Variants in FAM185A observed in about 807,000 individuals in gnomAD.
FAM185A encodes the protein family with sequence similarity 185 member A, also known as protein FAM185A.
In FAM185A, 21 loss-of-function variants were observed where a neutral mutation model predicts 45.7. That is an observed-to-expected ratio of 0.46 (90% confidence interval 0.33 to 0.66). The LOEUF is 0.66. Ranked by LOEUF, FAM185A falls within the 30% of genes least tolerant of loss-of-function variation. The pLI, the probability that FAM185A is intolerant of heterozygous loss-of-function variation, is 0.03. For missense variants in FAM185A, 305 were observed against 485.4 expected, an observed-to-expected ratio of 0.63 and a Z score of 3.49; for synonymous variants, 117 against 194.0, an observed-to-expected ratio of 0.60 and a Z score of 3.30.
chr7:102,761,586 T>G (rs1794108115), intron 4 of FAM185A, among the ~76,000 whole-genome samples, 175 bp downstream of exon 4: 1 of 151,702 alleles, frequency 6.6e-6, no homozygotes, highest in East Asian at 1.9e-4. Context: ...AAAGCTAATT[T>G]AATTTTATTT....
At chr7:102,759,816 T>A (rs1050706326) in intron 3 of FAM185A, among the ~76,000 whole-genome samples, 10 of 152,180 alleles carry the variant, frequency 6.6e-5, no homozygotes, top group African/African-American at 1.9e-4. Context: ...GGCACATAGC[T>A]AAGTCTAATG....
At chr7:102,795,822 A>T (rs1796410912) in intron 7 of FAM185A, among the ~76,000 whole-genome samples, 2 of 151,956 alleles carry the variant, frequency 1.3e-5, no homozygotes, top group South Asian at 4.2e-4. Flanking sequence ...TAAAAGCAAG[A>T]GATGAAAGGC....
chr7:102,829,977 T>G, the FAM185A span, among the ~76,000 whole-genome samples: 1 of 152,214 alleles, frequency 6.6e-6, no homozygotes, highest in African/African-American at 2.4e-5. Context: ...ACCCACAGTC[T>G]GACCAGAACA....
the FAM185A span, among the ~76,000 whole-genome samples, chr7:102,831,837 C>A: frequency 6.6e-6 from 1 of 152,104 alleles, no homozygotes; most frequent in Admixed American, 6.5e-5. Flanking sequence ...GGCCCTCACT[C>A]TTCATCTCTA....
chr7:102,787,212 C>A, intron 6 of FAM185A, 123 bp from the exon 7 acceptor site: 1 of 954,568 alleles, frequency 1.0e-6, no homozygotes, highest in Non-Finnish European at 1.4e-6. Context: ...TAAATAAATA[C>A]TGTATGCTGA....
intron 4 of FAM185A, among the ~76,000 whole-genome samples, chr7:102,762,507 C>A (rs1408178647): frequency 1.3e-5 from 2 of 152,026 alleles, no homozygotes; most frequent in East Asian, 3.8e-4. Context: ...CGGACTTTTT[C>A]CATATATAGT....
At chr7:102,834,071 AGGAAGGAAG>A in the FAM185A span, among the ~76,000 whole-genome samples, 27 of 119,494 alleles carry the variant, frequency 2.3e-4, no homozygotes, top group East Asian at 4.1e-3. Flanking sequence ...GAAGGAAGGA[AGGAAGGAAG>A]GAAAGAAAAG....
intron 4 of FAM185A, 68 bp from the exon 5 acceptor site, chr7:102,772,341 T>C (rs1794798387): frequency 2.2e-6 from 2 of 920,688 alleles, no homozygotes; most frequent in African/African-American, 1.8e-5. Context: ...TGTTTTAGCA[T>C]TGCTATGTAT....
At chr7:102,795,258 T>C (rs1443578220) in intron 7 of FAM185A, among the ~76,000 whole-genome samples, 1 of 152,196 alleles carries the variant, frequency 6.6e-6, no homozygotes, top group Non-Finnish European at 1.5e-5. Context: ...ATAGAAGCTG[T>C]CACCATTAGG....
chr7:102,829,355 C>T, the FAM185A span, among the ~76,000 whole-genome samples: 2 of 152,234 alleles, frequency 1.3e-5, no homozygotes, highest in African/African-American at 4.8e-5. Context: ...AGTGGACCTG[C>T]TTCACATCAC....
chr7:102,757,312 G>T (rs1005703512), intron 2 of FAM185A, among the ~76,000 whole-genome samples: 7 of 152,018 alleles, frequency 4.6e-5, no homozygotes, highest in Non-Finnish European at 7.4e-5. Flanking sequence ...TAGATTTTGG[G>T]TTTTTTTCTG....
chr7:102,759,775 TA>T (rs912906190), intron 3 of FAM185A, among the ~76,000 whole-genome samples: 6 of 152,018 alleles, frequency 3.9e-5, no homozygotes, highest in African/African-American at 1.4e-4. Flanking sequence ...TTAAATGAGT[TA>T]ATACAGGTAA....
chr7:102,799,688 C>T (rs377712540), intron 7 of FAM185A, among the ~76,000 whole-genome samples: 13 of 152,210 alleles, frequency 8.5e-5, no homozygotes, highest in Admixed American at 3.9e-4. Flanking sequence ...AATAAGACTA[C>T]GTATCTATAC....
intron 5 of FAM185A, among the ~76,000 whole-genome samples, chr7:102,774,548 G>T (rs1447949068): frequency 2.0e-5 from 3 of 152,038 alleles, no homozygotes; most frequent in African/African-American, 7.3e-5. Context: ...TAAGTGTGAT[G>T]TTAGCTATAG....
chr7:102,799,802 T>C lies in FAM185A; in HGVS notation c.1067-8488T>C, dbSNP rs144554208. On this transcript the variant is annotated intron_variant, in intron 7 of 7. Coordinates refer to ENST00000413034, the MANE Select transcript of FAM185A (RefSeq NM_001145268.2). ...TATACTTAACACTTGAACTCTCAGA[T>C]GGCTTATAGGTAAGGGTTTTTAAAG... Among the ~76,000 whole-genome samples the C allele has an allele frequency of 6.1e-3, 928 of 152,216 alleles. 5 individuals carry two copies. Among genetic ancestry groups the C allele is most frequent in the Non-Finnish European group, 0.01 (712 of 68,002 alleles).
the FAM185A span, among the ~76,000 whole-genome samples, chr7:102,826,763 A>G: frequency 1.1e-4 from 13 of 115,806 alleles, no homozygotes; most frequent in Non-Finnish European, 1.6e-4. Flanking sequence ...ATATATATAT[A>G]TATATATATG....
the FAM185A span, among the ~76,000 whole-genome samples, chr7:102,818,578 T>G: frequency 6.6e-6 from 1 of 152,288 alleles, no homozygotes; most frequent in South Asian, 2.1e-4. Context: ...TTTTATTTTT[T>G]ATCAACACAG....
intron 7 of FAM185A, 118 bp from the exon 8 acceptor site, chr7:102,808,172 C>T: frequency 1.4e-6 from 1 of 714,862 alleles, no homozygotes; most frequent in South Asian, 1.8e-5. Flanking sequence ...CCAGTTCAGA[C>T]TATCTTTACC....
chr7:102,784,116 C>T (rs949776220), intron 6 of FAM185A, among the ~76,000 whole-genome samples: 1 of 152,086 alleles, frequency 6.6e-6, no homozygotes. Context: ...CACATACACC[C>T]TCCCAAGACT....
Sources: allele counts gnomAD v4.1 joint callset (sites outside exome capture counted in the v4.1 genomes callset), GRCh38; gene constraint gnomAD v4.1.1; transcripts MANE v1.5; gene names NCBI Gene and HGNC (gene_info 2026-07-23, HGNC 2026-07-21).